GRHL1: variants seen among roughly 807,000 people sequenced by gnomAD.
The protein encoded by GRHL1 is grainyhead-like protein 1 homolog.
GRHL1 carries 38 observed loss-of-function variants against 75.7 expected under a neutral mutation model. That is an observed-to-expected ratio of 0.50 (90% CI 0.39 to 0.66). The LOEUF is 0.66. Among genes scored for constraint, GRHL1 ranks in the 30% least tolerant of loss-of-function variants. GRHL1 has a pLI of 0.00. For synonymous variants in GRHL1, 266 were observed against 279.4 expected, an observed-to-expected ratio of 0.95 and a Z score of 0.48; for missense variants, 589 against 767.5, an observed-to-expected ratio of 0.77 and a Z score of 2.75.
chr2:9,975,235 A>G (rs1049209451), intron 8 of GRHL1, among the ~76,000 whole-genome samples: 1 of 152,240 alleles, frequency 6.6e-6, no homozygotes, highest in Non-Finnish European at 1.5e-5. Context: ...GCACCATTGA[A>G]GGGATAAACC....
intron 10 of GRHL1, among the ~76,000 whole-genome samples, chr2:9,991,347 T>C (rs1668636561): frequency 1.3e-5 from 2 of 152,150 alleles, no homozygotes; most frequent in South Asian, 4.1e-4. Context: ...TTCTGGCAGC[T>C]CTTTTGAATG....
chr2:9,964,847 C>G, intron 7 of GRHL1: 1 of 172,366 alleles, frequency 5.8e-6, no homozygotes, highest in Non-Finnish European at 1.2e-5. Flanking sequence ...GTTACACAGA[C>G]CTCTGTTCTT....
At chr2:9,998,501 C>CATATATACGT (rs1669001966) in intron 14 of GRHL1, among the ~76,000 whole-genome samples, 9 of 6,890 alleles carry the variant, frequency 1.3e-3, no homozygotes, top group Non-Finnish European at 2.1e-3. Context: ...CGTATATATA[C>CATATATACGT]ATATATATAC....
intron 8 of GRHL1, among the ~76,000 whole-genome samples, chr2:9,975,118 C>T (rs936210184): frequency 5.3e-5 from 8 of 152,044 alleles, no homozygotes; most frequent in South Asian, 4.2e-4. Flanking sequence ...GAGGTGCTTT[C>T]ACCTTCTAAG....
intron 8 of GRHL1, among the ~76,000 whole-genome samples, chr2:9,980,236 A>C (rs1021000936): frequency 6.6e-6 from 1 of 151,736 alleles, no homozygotes; most frequent in South Asian, 2.1e-4. Context: ...AGGTGTGAAC[A>C]GCGCTTATGT....
At position 9,958,839 on chromosome 2, in the gene GRHL1, G is replaced by C. The variant is rs574599452; in HGVS notation, c.261G>C (p.Glu87Asp). The C allele has an allele frequency of 2.4e-5, 38 of 1,613,638 alleles. No homozygotes were observed. The highest frequency in any genetic ancestry group is 3.0e-5 in the Non-Finnish European group (35 of 1,179,702). ...STAKPEVEHPEPDHSKRNSIP... is the reference protein window; with the variant it reads ...STAKPEVEHPDPDHSKRNSIP... ...CAAAGCCAGAGGTGGAGCACCCTGA[G>C]CCAGATCACAGCAAAAGGTAACATT... Residue 87 changes from glutamate to aspartate, a missense_variant, in exon 3 of 16, where the codon GAG becomes GAC. Transcript: ENST00000324907.
chr2:9,974,285 T>G (rs6733974), intron 8 of GRHL1, among the ~76,000 whole-genome samples: 25,910 of 152,266 alleles, frequency 0.17, 2,821 homozygotes, highest in African/African-American at 0.31. Flanking sequence ...ACTACGTGCT[T>G]TGTGATATTC....
intron 8 of GRHL1, among the ~76,000 whole-genome samples, chr2:9,978,360 G>A (rs57315427): frequency 0.021 from 3,236 of 152,298 alleles, 120 homozygotes; most frequent in African/African-American, 0.073. Context: ...CGTTGGTGCT[G>A]GATCTTTATC....
At chr2:9,961,556 GA>G (rs1227083127) in intron 4 of GRHL1, 120 bp downstream of exon 4, 11 of 952,860 alleles carry the variant, frequency 1.2e-5, no homozygotes, top group Non-Finnish European at 1.6e-5. Flanking sequence ...AGGAATAAAA[GA>G]TTTTTTTTTT....
At position 9,992,015 on chromosome 2, in the gene GRHL1, G is replaced by A. The variant is rs757146045; in HGVS notation, c.1330G>A (p.Val444Ile). The A allele has an allele frequency of 1.2e-5, 19 of 1,574,182 alleles. No individual in the cohort carries two copies. Among genetic ancestry groups the A allele is most frequent in the African/African-American group, 4.1e-5 (3 of 72,694 alleles). Residue 444 changes from valine to isoleucine, a missense_variant, in exon 11 of 16, where the codon GTT (valine) becomes ATT (isoleucine). Transcript: ENST00000324907. This position sits in a 1 kb window ranked among gnomAD's most constrained non-coding sequence, Gnocchi z 4.6. ...RKQSKRKVSD[V>I]KVPLLPSHKR... The stretch of plus-strand genomic sequence containing the variant: ...ATTTTTTTTTTTTTCAGTTTCTGAT[G>A]TTAAAGTGCCACTGCTTCCCTCTCA...
At chr2:9,982,941 G>A (rs1668259425) in intron 8 of GRHL1, among the ~76,000 whole-genome samples, 1 of 152,126 alleles carries the variant, frequency 6.6e-6, no homozygotes, top group South Asian at 2.1e-4. Context: ...AGAGATCCAC[G>A]AACTCACCCT....
At chr2:9,998,901 TTTG>T in intron 14 of GRHL1, 61 bp from the exon 15 acceptor site, 1 of 488,896 alleles carries the variant, frequency 2.0e-6, no homozygotes. Flanking sequence ...TATATATATA[TTTG>T]TTGTTTGGTT....
intron 2 of GRHL1, 56 bp downstream of exon 2, chr2:9,955,157 G>A: frequency 8.6e-7 from 1 of 1,164,162 alleles, no homozygotes; most frequent in Non-Finnish European, 1.2e-6. Context: ...ACTTGATTCA[G>A]CAGCATAGAA....
chr2:9,977,169 A>G (rs1264997379), intron 8 of GRHL1, among the ~76,000 whole-genome samples: 2 of 152,196 alleles, frequency 1.3e-5, no homozygotes, highest in Non-Finnish European at 2.9e-5. Context: ...TGGTGGGGGC[A>G]CTGTTATGTA....
intron 1 of GRHL1, among the ~76,000 whole-genome samples, chr2:9,953,219 G>A (rs1666870740): frequency 6.6e-6 from 1 of 152,206 alleles, no homozygotes; most frequent in African/African-American, 2.4e-5. Context: ...TACAAATTTG[G>A]GATGTGGGTG....
chr2:9,970,602 G>A (rs1203024900), intron 8 of GRHL1, among the ~76,000 whole-genome samples: 2 of 152,290 alleles, frequency 1.3e-5, no homozygotes. Context: ...ACATACTTTT[G>A]TCTCTTCCCA....
chr2:9,952,707 TA>T (rs1666844482), intron 1 of GRHL1, among the ~76,000 whole-genome samples: 1 of 152,242 alleles, frequency 6.6e-6, no homozygotes, highest in Non-Finnish European at 1.5e-5. Flanking sequence ...CTAAAAATTT[TA>T]AAAACTTACT....
Position 9,979,151 on chromosome 2 carries a change from C to CAAAAAAAAAAAAAAAAAAAAAAAAAAAA in GRHL1, c.1111-6957_1111-6956insAAAAAAAAAAAAAAAAAAAAAAAAAAAA, listed in dbSNP as rs1227015836. Among the ~76,000 whole-genome samples the CAAAAAAAAAAAAAAAAAAAAAAAAAAAA allele has an allele frequency of 3.3e-4, 20 of 60,346 alleles. 1 individual carries two copies. The highest frequency in any genetic ancestry group is 5.4e-4 in the East Asian group (1 of 1,846). The allele number at this position is 60,346 out of a possible 152,430, so 39.6% of individuals were successfully genotyped here. A position where few individuals can be genotyped will look rare whatever the true frequency, so the allele number is the denominator to read the frequency against. On this transcript the variant is annotated intron_variant, in intron 8 of 15. Transcript: ENST00000324907. The stretch of plus-strand genomic sequence containing the variant: ...TTCCAGCCTGGGCAAGACTCTCTCT[C>CAAAAAAAAAAAAAAAAAAAAAAAAAAAA]AAAAAAAAAAAAAAAAGGAAACCTT...
intron 15 of GRHL1, among the ~76,000 whole-genome samples, chr2:10,000,023 G>A (rs764589147): frequency 4.6e-5 from 7 of 152,130 alleles, no homozygotes; most frequent in African/African-American, 1.7e-4. Context: ...TCACTCTATC[G>A]CCCAGGCTGG....
Sources: gnomAD v4.1 joint callset for allele counts (sites outside exome capture counted in the v4.1 genomes callset) on GRCh38, gnomAD v4.1.1 for gene constraint, Gnocchi (gnomAD v3.1) non-coding constraint, MANE v1.5 for transcripts, NCBI Gene and HGNC (gene_info 2026-07-23, HGNC 2026-07-21) for gene names.